The following ITSN1 variants were observed in gnomAD, a reference collection of about 807,000 sequenced individuals.
The protein encoded by ITSN1 is intersectin 1, also known as intersectin-1.
In ITSN1, 58 loss-of-function variants were observed where a neutral mutation model predicts 239.8. That is an observed-to-expected ratio of 0.24 (90% CI 0.20 to 0.30). ITSN1 has a LOEUF of 0.30. ITSN1 is among the 10% of genes least tolerant of loss of function. ITSN1 has a pLI of 1.00. For synonymous variants in ITSN1, 780 were observed against 770.8 expected (o/e 1.01, Z -0.20); for missense variants, 1,558 against 2,103.3 (o/e 0.74, Z 5.07).
chr21:33,720,400 A>G (rs763632441), intron 2 of ITSN1, among the ~76,000 whole-genome samples: 5 of 152,332 alleles, frequency 3.3e-5, no homozygotes, highest in South Asian at 2.1e-4. Context: ...GCTTTCATGT[A>G]TGTAATCTAG....
rs150861717 is a variant in ITSN1, at chr21:33,745,270, A to G, written c.347-4873A>G. Among the ~76,000 whole-genome samples the G allele has an allele frequency of 1.4e-4, 21 of 152,346 alleles. No individual in the cohort carries two copies. The East Asian group carries it at 3.9e-3, about 28-fold the overall frequency. The stretch of plus-strand genomic sequence containing the variant: ...ACCGCACCATGAGAATGCAATCAGC[A>G]AAATCCAGACTGGGAAACTCCACAG... On this transcript the variant is annotated intron_variant, in intron 5 of 39. Coordinates refer to ENST00000381318, the MANE Select transcript of ITSN1 (RefSeq NM_003024.3).
chr21:33,857,428 G>A (rs980604756), intron 30 of ITSN1, among the ~76,000 whole-genome samples: 1 of 152,192 alleles, frequency 6.6e-6, no homozygotes, highest in Non-Finnish European at 1.5e-5. Context: ...CAGAACTATG[G>A]GGAGATGCGG....
intron 34 of ITSN1, among the ~76,000 whole-genome samples, chr21:33,878,764 C>T (rs1168854646): frequency 8.5e-5 from 13 of 152,192 alleles, no homozygotes; most frequent in South Asian, 2.1e-4. Flanking sequence ...CTCATTTATT[C>T]GCTCATCATC....
At chr21:33,879,035 C>T (rs1984468896) in intron 34 of ITSN1, among the ~76,000 whole-genome samples, 1 of 152,110 alleles carries the variant, frequency 6.6e-6, no homozygotes, top group Non-Finnish European at 1.5e-5. Context: ...TGATGCTTGA[C>T]TGCGTGTTGC....
At position 33,898,329 on chromosome 21, in the gene ITSN1, T is replaced by G. The variant is rs1349083326; in HGVS notation, c.*10029T>G. Reference sequence around the variant, plus strand: ...TTGCATAGCCAGGTGGGTGGATGGATGGTTTAGGGTTTCTGAGTTAAGCCG... The same window carrying G: ...TTGCATAGCCAGGTGGGTGGATGGAGGGTTTAGGGTTTCTGAGTTAAGCCG... On this transcript the variant is annotated 3_prime_UTR_variant, in exon 40 of 40. Coordinates refer to ENST00000381318, the MANE Select transcript of ITSN1 (RefSeq NM_003024.3). 6.6e-6 allele frequency: 1 copy of G among 152,238 alleles called. No homozygotes were observed. Among genetic ancestry groups the G allele is most frequent in the Non-Finnish European group, 1.5e-5 (1 of 68,046 alleles). The allele number at this position is 152,238 out of a possible 1,614,324, so 9.4% of individuals were successfully genotyped here.
At chr21:33,653,899 TC>T (rs1363711051) in intron 1 of ITSN1, among the ~76,000 whole-genome samples, 1 of 152,036 alleles carries the variant, frequency 6.6e-6, no homozygotes, top group African/African-American at 2.4e-5. Flanking sequence ...CCAGCAGTTC[TC>T]CTGTCGCAGC....
At chr21:33,693,881 A>G (rs1410385150) in intron 1 of ITSN1, among the ~76,000 whole-genome samples, 3 of 152,350 alleles carry the variant, frequency 2.0e-5, no homozygotes, top group East Asian at 3.9e-4. Flanking sequence ...AAAGTTTTAT[A>G]TATAAGTGAA....
intron 38 of ITSN1, 69 bp from the exon 39 acceptor site, chr21:33,886,210 TAAAAAAAA>T: frequency 1.0e-6 from 1 of 1,001,028 alleles, no homozygotes; most frequent in Non-Finnish European, 1.4e-6. Flanking sequence ...AGAATCCATC[TAAAAAAAA>T]AAAAAAAAAA....
At chr21:33,793,361 G>A (rs143921370) in intron 16 of ITSN1, among the ~76,000 whole-genome samples, 2 of 152,252 alleles carry the variant, frequency 1.3e-5, no homozygotes, top group Non-Finnish European at 2.9e-5. Context: ...GTACTGGGAG[G>A]ACCAGCCCTG....
rs183977318 is a variant in ITSN1, at chr21:33,782,544, T to A, written c.1824+411T>A. Among the ~76,000 whole-genome samples the A allele has an allele frequency of 5.9e-3, 906 of 152,322 alleles. 8 individuals are homozygous for A. The highest frequency in any genetic ancestry group is 9.0e-3 in the Non-Finnish European group (611 of 68,024). On this transcript the variant is annotated intron_variant, in intron 16 of 39. Transcript: ENST00000381318. ...GATCTTTATTTTGTTACCTCATTTT[T>A]AAATCTTACTGTTTTAGTGGAGTAA...
chr21:33,730,031 T>C (rs1469026018), intron 4 of ITSN1, among the ~76,000 whole-genome samples: 1 of 152,210 alleles, frequency 6.6e-6, no homozygotes, highest in African/African-American at 2.4e-5. Flanking sequence ...CTAGGCTTTT[T>C]TTTCTACCTC....
At chr21:33,729,813 G>A (rs2066055917) in intron 4 of ITSN1, among the ~76,000 whole-genome samples, 1 of 152,210 alleles carries the variant, frequency 6.6e-6, no homozygotes, top group African/African-American at 2.4e-5. Context: ...CTGTAGAGGT[G>A]TTTGACCTTT....
At chr21:33,817,777 AAAAC>A (rs1329569058) in intron 22 of ITSN1, 16 of 624,442 alleles carry the variant, frequency 2.6e-5, no homozygotes, top group Non-Finnish European at 3.5e-5. Flanking sequence ...AAAAGGAACT[AAAAC>A]AAGCATAATC....
chr21:33,849,786 C>A (rs963422881), intron 29 of ITSN1, among the ~76,000 whole-genome samples: 1 of 152,138 alleles, frequency 6.6e-6, no homozygotes, highest in African/African-American at 2.4e-5. Context: ...AATATATACA[C>A]CTACAATGTA....
At chr21:33,712,820 G>T (rs1282186054) in intron 1 of ITSN1, among the ~76,000 whole-genome samples, 1 of 152,218 alleles carries the variant, frequency 6.6e-6, no homozygotes, top group Admixed American at 6.5e-5. Flanking sequence ...AAGTATTATA[G>T]TTACATTTTG....
Position 33,651,511 on chromosome 21 carries a change from C to T in ITSN1, c.-33+8798C>T, listed in dbSNP as rs186711425. Among the ~76,000 whole-genome samples, 189 of 152,232 alleles carry T rather than the reference C, an allele frequency of 1.2e-3. 1 individual carries two copies. The highest frequency in any genetic ancestry group is 1.3e-3 in the East Asian group (7 of 5,186). On this transcript the variant is annotated intron_variant, in intron 1 of 39. Coordinates refer to ENST00000381318, the MANE Select transcript of ITSN1 (RefSeq NM_003024.3). ...TGAATGGTAATTTGTGTAAACTTTC[C>T]GGAGTTTCTCTGAGGAAAAGAGAAC...
At chr21:33,729,578 T>C (rs1338228562) in intron 4 of ITSN1, among the ~76,000 whole-genome samples, 1 of 151,908 alleles carries the variant, frequency 6.6e-6, no homozygotes, top group Admixed American at 6.6e-5. Context: ...CGGGAGGAAA[T>C]AAGCACAGAA....
At chr21:33,818,108 G>A (rs917309114) in intron 22 of ITSN1, 159 bp from the exon 23 acceptor site, 13 of 625,964 alleles carry the variant, frequency 2.1e-5, no homozygotes, top group African/African-American at 2.0e-4. Context: ...TTGGGAAACA[G>A]TGAAGCATCC....
intron 1 of ITSN1, among the ~76,000 whole-genome samples, chr21:33,669,035 C>G (rs531350624): frequency 6.6e-6 from 1 of 152,248 alleles, no homozygotes; most frequent in Admixed American, 6.5e-5. Flanking sequence ...GTTCAAGACT[C>G]CTGTCCAAAC....
Sources: gnomAD v4.1 joint callset for allele counts (sites outside exome capture counted in the v4.1 genomes callset) on GRCh38, gnomAD v4.1.1 for gene constraint, MANE v1.5 for transcripts, NCBI Gene and HGNC (gene_info 2026-07-23, HGNC 2026-07-21) for gene names.